The following DCC variants were observed in gnomAD, a reference collection of about 807,000 sequenced individuals.
DCC encodes netrin receptor DCC.
A neutral mutation model predicts 172.5 loss-of-function variants in DCC; 58 were observed. The ratio of observed to expected loss-of-function variants is 0.34; its 90% CI spans 0.27 to 0.42. The LOEUF is 0.42. Among genes scored for constraint, DCC ranks in the 10% least tolerant of loss-of-function variants. DCC has a pLI of 1.00. For synonymous variants in DCC, 709 were observed against 644.5 expected (o/e 1.10, Z -1.52); for missense variants, 1,740 against 1,791.0 (o/e 0.97, Z 0.51).
intron 3 of DCC, among the ~76,000 whole-genome samples, chr18:52,922,388 A>G (rs1207069418): frequency 6.6e-6 from 1 of 152,100 alleles, no homozygotes; most frequent in Admixed American, 6.6e-5. Flanking sequence ...ATAATGTCAA[A>G]TATGTCCTAT....
chr18:53,520,093 G>T (rs1379283090), intron 27 of DCC, among the ~76,000 whole-genome samples: 1 of 152,082 alleles, frequency 6.6e-6, no homozygotes, highest in Non-Finnish European at 1.5e-5. Context: ...CCTGGCTTCT[G>T]AAAGCAGTGT....
chr18:53,506,860 A>ATCTC (rs1491220742), intron 27 of DCC, among the ~76,000 whole-genome samples: 2 of 4,930 alleles, frequency 4.1e-4, no homozygotes, highest in Non-Finnish European at 1.7e-3. Context: ...ACTCCATCTC[A>ATCTC]AAAAAAAAAA....
intron 1 of DCC, among the ~76,000 whole-genome samples, chr18:52,617,932 C>T (rs1017218416): frequency 6.6e-6 from 1 of 152,056 alleles, no homozygotes; most frequent in Non-Finnish European, 1.5e-5. Context: ...GTCTATATAG[C>T]CTAAGGCCTG....
chr18:53,066,967 A>G (rs1031155189), intron 7 of DCC, among the ~76,000 whole-genome samples: 2 of 151,932 alleles, frequency 1.3e-5, no homozygotes, highest in Non-Finnish European at 2.9e-5. Context: ...CACACTTTTA[A>G]ACAACCAGAT....
intron 4 of DCC, 61 bp downstream of exon 4, chr18:52,923,918 A>G: frequency 8.1e-7 from 1 of 1,232,290 alleles, no homozygotes; most frequent in Non-Finnish European, 1.2e-6. Flanking sequence ...GCTGCTATTT[A>G]TATTTCTCTA....
At chr18:53,018,920 C>G (rs1392405127) in intron 5 of DCC, among the ~76,000 whole-genome samples, 3 of 151,980 alleles carry the variant, frequency 2.0e-5, no homozygotes, top group African/African-American at 7.2e-5. Context: ...TTTTCAATGT[C>G]TTTTCTTCAT....
At chr18:52,737,705 T>A (rs1295289095) in intron 1 of DCC, among the ~76,000 whole-genome samples, 2 of 152,112 alleles carry the variant, frequency 1.3e-5, no homozygotes, top group Admixed American at 6.5e-5. Context: ...ACTAGAGGAC[T>A]GTTGGAGAGA....
At chr18:52,789,799 A>G (rs576921827) in intron 2 of DCC, among the ~76,000 whole-genome samples, 23 of 152,210 alleles carry the variant, frequency 1.5e-4, no homozygotes, top group Admixed American at 1.5e-3. Flanking sequence ...GTGTAGGCTG[A>G]ACCAACTTTG....
rs867627688 is a variant in DCC, at chr18:52,535,367, A to T, written c.91+194489A>T. On this transcript the variant is annotated intron_variant, in intron 1 of 28. Coordinates refer to ENST00000442544, the MANE Select transcript of DCC (RefSeq NM_005215.4). ...GGAAGGTTAGCAACAGTAGAGCCAA[A>T]CTGAACGTGAGAGAAGAAAAGAACA... Among the ~76,000 whole-genome samples the T allele has an allele frequency of 5.3e-5, 8 of 152,296 alleles. No homozygotes were observed. The South Asian group carries it at 1.7e-3, about 32-fold the overall frequency.
At chr18:52,915,107 C>T (rs549005748) in intron 3 of DCC, among the ~76,000 whole-genome samples, 1 of 152,196 alleles carries the variant, frequency 6.6e-6, no homozygotes, top group Non-Finnish European at 1.5e-5. Context: ...CTTGCCAACG[C>T]AGATGTCAAC....
intron 1 of DCC, among the ~76,000 whole-genome samples, chr18:52,644,856 G>A (rs1232740152): frequency 6.6e-6 from 1 of 150,722 alleles, no homozygotes; most frequent in East Asian, 2.0e-4. Context: ...AGGGAAGGAA[G>A]GAGAAAAAAT....
At chr18:53,119,575 T>TTAAAA (rs2043454500) in intron 7 of DCC, among the ~76,000 whole-genome samples, 1 of 151,892 alleles carries the variant, frequency 6.6e-6, no homozygotes, top group African/African-American at 2.4e-5. Flanking sequence ...TTAAAACATT[T>TTAAAA]TAAAATAGTT....
At chr18:52,845,491 A>G (rs999829174) in intron 2 of DCC, among the ~76,000 whole-genome samples, 1 of 152,216 alleles carries the variant, frequency 6.6e-6, no homozygotes, top group Admixed American at 6.5e-5. Flanking sequence ...ATAGCAATAC[A>G]ACCAGATCTC....
intron 7 of DCC, among the ~76,000 whole-genome samples, chr18:53,139,477 T>C (rs1282759179): frequency 1.3e-5 from 2 of 152,186 alleles, no homozygotes; most frequent in African/African-American, 4.8e-5. Context: ...ATGATCTGAT[T>C]TCTAGTTGTT....
rs567120968 is a variant in DCC at position 53,486,781 on chromosome 18, C to A, written c.3737-16C>A. ...ACATAAGGTTCAAAAAACCCATTAA[C>A]CTTTTTCTTTTGCAGCTGTCGTGAG... On this transcript the variant is annotated splice_polypyrimidine_tract_variant and intron_variant, in intron 25 of 28. Transcript: ENST00000442544. 1.2e-6 allele frequency: 2 copies of A among 1,614,118 alleles called. No individual in the cohort carries two copies. The highest frequency in any genetic ancestry group is 1.7e-5 in the Admixed American group (1 of 60,018).
intron 12 of DCC, among the ~76,000 whole-genome samples, chr18:53,219,390 C>G (rs2055898078): frequency 6.6e-6 from 1 of 152,116 alleles, no homozygotes; most frequent in Non-Finnish European, 1.5e-5. Context: ...CCAGTCAACT[C>G]ACTAGTTCAG....
chr18:53,249,141 A>G (rs1409132520), intron 12 of DCC, among the ~76,000 whole-genome samples: 1 of 151,986 alleles, frequency 6.6e-6, no homozygotes, highest in Non-Finnish European at 1.5e-5. Flanking sequence ...TGAACGTGTA[A>G]TGTGGATTCC....
chr18:52,396,485 A>C (rs1164361260), intron 1 of DCC, among the ~76,000 whole-genome samples: 2 of 151,984 alleles, frequency 1.3e-5, no homozygotes, highest in Non-Finnish European at 2.9e-5. Flanking sequence ...GGAAACCTAG[A>C]GGTTAATTAA....
chr18:52,890,795 A>T (rs1242048458), intron 2 of DCC, among the ~76,000 whole-genome samples: 1 of 152,092 alleles, frequency 6.6e-6, no homozygotes, highest in Non-Finnish European at 1.5e-5. Flanking sequence ...TCAAATCCCC[A>T]AATTCTGAGG....
Sources: gnomAD v4.1 joint callset for allele counts (sites outside exome capture counted in the v4.1 genomes callset) on GRCh38, gnomAD v4.1.1 for gene constraint, MANE v1.5 for transcripts, NCBI Gene and HGNC (gene_info 2026-07-23, HGNC 2026-07-21) for gene names.